The following TENT5A variants were observed in gnomAD, a reference collection of about 807,000 sequenced individuals.
TENT5A encodes HBV X-transactivated gene 11 protein.
In TENT5A, 9 loss-of-function variants were observed where a neutral mutation model predicts 30.2. The observed-to-expected ratio is 0.30, with a 90% CI of 0.18 to 0.52. TENT5A has a LOEUF of 0.52. Ranked by LOEUF, TENT5A falls within the 20% of genes least tolerant of loss-of-function variation. TENT5A has a pLI of 0.97. For synonymous variants in TENT5A, 264 were observed against 234.2 expected, an observed-to-expected ratio of 1.13 and a Z score of -1.16; for missense variants, 411 against 566.1, an observed-to-expected ratio of 0.73 and a Z score of 2.78.
chr6:81,752,382 T>G (rs1474087197), intron 1 of TENT5A, 49 bp downstream of exon 1: 3 of 1,538,352 alleles, frequency 2.0e-6, no homozygotes, highest in Non-Finnish European at 2.6e-6. Flanking sequence ...GCACCAAAAG[T>G]ATCTCTGATG....
At position 81,747,410 on chromosome 6, in the gene TENT5A, A is replaced by G; in HGVS notation, c.*2285T>C. On this transcript the variant is annotated 3_prime_UTR_variant, in exon 3 of 3. Transcript: ENST00000320172. The stretch of plus-strand genomic sequence containing the variant: ...GATGGTAGTAGGAGGAGTTCCTTAG[A>G]AAACTGAGTGGCAGTGCAGCGGCTG... 1 of 985,862 alleles carries G rather than the reference A, an allele frequency of 1.0e-6. No individual in the cohort carries two copies. Among genetic ancestry groups the G allele is most frequent in the Non-Finnish European group, 1.2e-6 (1 of 829,948 alleles). 61.1% of individuals were successfully genotyped at this position (985,862 alleles called of 1,614,324 possible). A position where few individuals can be genotyped will look rare whatever the true frequency, so the allele number is the denominator to read the frequency against.
rs1768901908 is a variant in TENT5A, at chr6:81,747,177, T to A, written c.*2518A>T. 9.1e-6 allele frequency: 9 copies of A among 984,990 alleles called. No homozygotes were observed. Among genetic ancestry groups the A allele is most frequent in the Non-Finnish European group, 1.1e-5 (9 of 829,864 alleles). The allele number at this position is 984,990 out of a possible 1,614,324, so 61.0% of individuals were successfully genotyped here. A position where few individuals can be genotyped will look rare whatever the true frequency, so the allele number is the denominator to read the frequency against. On this transcript the variant is annotated 3_prime_UTR_variant, in exon 3 of 3. Coordinates refer to ENST00000320172, the MANE Select transcript of TENT5A (RefSeq NM_017633.3). ...TAGTAGACGACTCATTTGTCAAGAGTTAGGGTAAGAAAGCAGATCACCAGC... is the reference window on the plus strand; with the variant it reads ...TAGTAGACGACTCATTTGTCAAGAGATAGGGTAAGAAAGCAGATCACCAGC...
chr6:81,751,080 T>A (rs1293816342), intron 2 of TENT5A, among the ~76,000 whole-genome samples: 3 of 152,170 alleles, frequency 2.0e-5, no homozygotes, highest in Non-Finnish European at 2.9e-5. Flanking sequence ...ACCCTTAACA[T>A]ATGAACCAGC....
rs142685175 is a variant in TENT5A, at chr6:81,752,219, G to A, written c.-37-41C>T. 0.042 allele frequency: 53,399 copies of A among 1,261,828 alleles called. 1,165 individuals carry two copies. Among genetic ancestry groups the A allele is most frequent in the Non-Finnish European group, 0.048 (46,914 of 969,992 alleles). 78.2% of individuals were successfully genotyped at this position (1,261,828 alleles called of 1,614,324 possible). ...AAGGAGCGCGGTGAGGACGCGCGGC[G>A]GCGGAGAGCACGCGCGGCGGCGGAG... On this transcript the variant is annotated intron_variant, in intron 1 of 2. Transcript: ENST00000320172.
rs546672198 is a variant in TENT5A, at chr6:81,748,981, C to G, written c.*714G>C. ...CTGTTAAATCTTTGGTCCTTGAGCACACTTTCTTTGTTACAGCTGTTTTTG... is the reference window on the plus strand; with the variant it reads ...CTGTTAAATCTTTGGTCCTTGAGCAGACTTTCTTTGTTACAGCTGTTTTTG... On this transcript the variant is annotated 3_prime_UTR_variant, in exon 3 of 3. Coordinates refer to ENST00000320172, the MANE Select transcript of TENT5A (RefSeq NM_017633.3). 3.7e-4 allele frequency: 368 copies of G among 985,804 alleles called. No homozygotes were observed. The highest frequency in any genetic ancestry group is 4.1e-4 in the Non-Finnish European group (337 of 829,912). 61.1% of individuals were successfully genotyped at this position (985,804 alleles called of 1,614,324 possible). A position where few individuals can be genotyped will look rare whatever the true frequency, so the allele number is the denominator to read the frequency against.
Position 81,749,617 on chromosome 6 carries a change from C to T in TENT5A, c.*78G>A, listed in dbSNP as rs199706042. 3.6e-6 allele frequency: 5 copies of T among 1,370,994 alleles called. No homozygotes were observed. The African/African-American group carries it at 7.5e-5, about 20-fold the overall frequency. The allele number at this position is 1,370,994 out of a possible 1,614,324, so 84.9% of individuals were successfully genotyped here. ...CATCCCTAATAAGGGCTGGATCACT[C>T]TTTTTTTTTTCTTTTTTTTTTTTTT... is the stretch of plus-strand genomic sequence containing the variant. On this transcript the variant is annotated 3_prime_UTR_variant, in exon 3 of 3. Transcript: ENST00000320172.
Position 81,747,566 on chromosome 6 carries a change from T to G in TENT5A, c.*2129A>C. The G allele has an allele frequency of 1.0e-6, 1 of 985,606 alleles. No homozygotes were observed. The highest frequency in any genetic ancestry group is 1.2e-6 in the Non-Finnish European group (1 of 829,838). 61.1% of individuals were successfully genotyped at this position (985,606 alleles called of 1,614,324 possible). On this transcript the variant is annotated 3_prime_UTR_variant, in exon 3 of 3. Transcript: ENST00000320172. Reference sequence around the variant, plus strand: ...CTGGATTAACCTAGCACTAAGCATCTGAGGATCCCTAGATAAACAAACAAA... The same window carrying G: ...CTGGATTAACCTAGCACTAAGCATCGGAGGATCCCTAGATAAACAAACAAA...
At chr6:81,751,414 C>T (rs1769030382) in intron 2 of TENT5A, among the ~76,000 whole-genome samples, 176 bp downstream of exon 2, 1 of 152,184 alleles carries the variant, frequency 6.6e-6, no homozygotes. Flanking sequence ...AAACACTCAA[C>T]ACCGTCCACG....
rs1769001734 is a variant in TENT5A at position 81,750,127 on chromosome 6, G to A, written c.897C>T (p.Leu299=). The A allele has an allele frequency of 6.2e-7, 1 of 1,613,800 alleles. No homozygotes were observed. The highest frequency in any genetic ancestry group is 1.1e-5 in the South Asian group (1 of 91,050). The change falls in exon 3 of 3, where the codon CTC becomes CTT. Residue 299 remains leucine, a synonymous_variant. Transcript: ENST00000320172. The surrounding 1 kb of genome is among the most constrained non-coding windows in gnomAD (Gnocchi z 4.2). ...AGGCGGGCCTAAAGCCCCTCACCAA[G>A]AGGTTGCAGTACTTAAGCAGGCCTC... ...RGGGLLKYCN[L]LVRGFRPASD... is the part of the protein sequence containing the mutation.
At position 81,748,627 on chromosome 6, in the gene TENT5A, A is replaced by T; in HGVS notation, c.*1068T>A. The T allele has an allele frequency of 9.2e-6, 8 of 871,654 alleles. No individual in the cohort carries two copies. Among genetic ancestry groups the T allele is most frequent in the Non-Finnish European group, 1.1e-5 (8 of 726,148 alleles). The allele number at this position is 871,654 out of a possible 1,614,324, so 54.0% of individuals were successfully genotyped here. ...CAATCTACTGTGTATATATACATAT[A>T]AAATGTATATATAAAATGTATATAT... is the stretch of plus-strand genomic sequence containing the variant. On this transcript the variant is annotated 3_prime_UTR_variant, in exon 3 of 3. Coordinates refer to ENST00000320172, the MANE Select transcript of TENT5A (RefSeq NM_017633.3).
Position 81,748,477 on chromosome 6 carries a change from A to AT in TENT5A, c.*1217dup, listed in dbSNP as rs1425622399. 1.0e-6 allele frequency: 1 copy of AT among 981,970 alleles called. No individual in the cohort carries two copies. The highest frequency in any genetic ancestry group is 1.2e-6 in the Non-Finnish European group (1 of 827,206). The allele number at this position is 981,970 out of a possible 1,614,324, so 60.8% of individuals were successfully genotyped here. A position where few individuals can be genotyped will look rare whatever the true frequency, so the allele number is the denominator to read the frequency against. ...ATTACTTGGTTCCCTCCTTCATTTAATTTTTTTAGATGTGGATTTAATTCA... is the reference window on the plus strand; with the variant it reads ...ATTACTTGGTTCCCTCCTTCATTTAATTTTTTTTAGATGTGGATTTAATTCA... On this transcript the variant is annotated 3_prime_UTR_variant, in exon 3 of 3. Transcript: ENST00000320172.
Position 81,752,492 on chromosome 6 carries a change from A to T in TENT5A, c.-99T>A, listed in dbSNP as rs867123245. On this transcript the variant is annotated 5_prime_UTR_variant, in exon 1 of 3. Coordinates refer to ENST00000320172, the MANE Select transcript of TENT5A (RefSeq NM_017633.3). ...GAGAGCGAAACCGAGAGGCGGCAACACTTCCAGGAGCTGCGAGCGCGCTCA... is the reference window on the plus strand; with the variant it reads ...GAGAGCGAAACCGAGAGGCGGCAACTCTTCCAGGAGCTGCGAGCGCGCTCA... 6.6e-7 allele frequency: 1 copy of T among 1,522,008 alleles called. No homozygotes were observed. Among genetic ancestry groups the T allele is most frequent in the East Asian group, 2.5e-5 (1 of 40,746 alleles). The allele number at this position is 1,522,008 out of a possible 1,614,324, so 94.3% of individuals were successfully genotyped here.
In TENT5A at chr6:81,747,801, C is replaced by T. The variant is rs955406254; in HGVS notation, c.*1894G>A. The stretch of plus-strand genomic sequence containing the variant: ...TTTTTAACAAATGCATTTTCAGAGA[C>T]CAGTATCTAGAGGAACTACTGGCTA... On this transcript the variant is annotated 3_prime_UTR_variant, in exon 3 of 3. Coordinates refer to ENST00000320172, the MANE Select transcript of TENT5A (RefSeq NM_017633.3). The T allele has an allele frequency of 1.0e-6, 1 of 985,552 alleles. No homozygotes were observed. The highest frequency in any genetic ancestry group is 1.7e-5 in the African/African-American group (1 of 57,188). The allele number at this position is 985,552 out of a possible 1,614,324, so 61.1% of individuals were successfully genotyped here. A position where few individuals can be genotyped will look rare whatever the true frequency, so the allele number is the denominator to read the frequency against.
Position 81,751,874 on chromosome 6 carries a change from A to C in TENT5A, c.268T>G (p.Phe90Val). 6.2e-7 allele frequency: 1 copy of C among 1,613,170 alleles called. No individual in the cohort carries two copies. Among genetic ancestry groups the C allele is most frequent in the Non-Finnish European group, 8.5e-7 (1 of 1,179,880 alleles). ...ETIPIHGRGN[F>V]PTLELQPSLI... ...CTCGGCTGCAGCTCGAGCGTGGGGA[A>C]GTTGCCGCGCCCGTGAATCGGAATG... Residue 90 changes from phenylalanine to valine, a missense_variant, in exon 2 of 3, where the codon TTC becomes GTC. Physicochemically the swap from Phe to Val is conservative, Grantham distance 50. Around this residue, in one of 5 missense-constraint regions of TENT5A, gnomAD observed 157 missense variants for 183.2 expected, o/e 0.86. Coordinates refer to ENST00000320172, the MANE Select transcript of TENT5A (RefSeq NM_017633.3).
rs1168328083 is a variant in TENT5A, at chr6:81,751,666, T to C, written c.476A>G (p.Asp159Gly). The change falls in exon 2 of 3, where the codon GAC (aspartate) becomes GGC (glycine). Residue 159 changes from aspartate to glycine, a missense_variant. Physicochemically the swap from Asp to Gly is moderately conservative, Grantham distance 94 (BLOSUM62 -1). Coordinates refer to ENST00000320172, the MANE Select transcript of TENT5A (RefSeq NM_017633.3). ...GTCCAACAGGCAGTCCAGCACGACG[T>C]CCTTCACAGTCTGAAACTCCCCTTC... ...RGEGEFQTVK[D>G]VVLDCLLDFL... 1.2e-6 allele frequency: 2 copies of C among 1,614,138 alleles called. No individual in the cohort carries two copies. The highest frequency in any genetic ancestry group is 1.7e-6 in the Non-Finnish European group (2 of 1,180,028).
In TENT5A at chr6:81,749,614, ACT is replaced by A; in HGVS notation, c.*79_*80del. 4 of 1,507,310 alleles carry A rather than the reference ACT, an allele frequency of 2.7e-6. No individual in the cohort carries two copies. Among genetic ancestry groups the A allele is most frequent in the Middle Eastern group, 1.9e-4 (1 of 5,398 alleles). The allele number at this position is 1,507,310 out of a possible 1,614,324, so 93.4% of individuals were successfully genotyped here. ...ACACATCCCTAATAAGGGCTGGATC[ACT>A]CTTTTTTTTTTCTTTTTTTTTTTTT... On this transcript the variant is annotated 3_prime_UTR_variant, in exon 3 of 3. Transcript: ENST00000320172.
Position 81,752,672 on chromosome 6 carries a change from G to C in TENT5A, c.-279C>G. On this transcript the variant is annotated 5_prime_UTR_variant, in exon 1 of 3. Transcript: ENST00000320172. ...ACACGCTCGTGTCTCTGGAGCTTTA[G>C]CAGTTGTGCGGGGAAAATGTCTTCA... The C allele has an allele frequency of 1.4e-6, 1 of 717,788 alleles. No individual in the cohort carries two copies. The highest frequency in any genetic ancestry group is 1.5e-5 in the South Asian group (1 of 67,618). 44.5% of individuals were successfully genotyped at this position (717,788 alleles called of 1,614,324 possible).
At chr6:81,751,320 T>G (rs1392090418) in intron 2 of TENT5A, among the ~76,000 whole-genome samples, 4 of 151,478 alleles carry the variant, frequency 2.6e-5, no homozygotes, top group Admixed American at 2.6e-4. Flanking sequence ...AAGCCAAGAG[T>G]TAAAACATAA....
Position 81,746,272 on chromosome 6 carries a change from C to G in TENT5A, c.*3423G>C, listed in dbSNP as rs749410772. On this transcript the variant is annotated 3_prime_UTR_variant, in exon 3 of 3. Transcript: ENST00000320172. ...AAAAAGCTTATTTTTGAACTGACAG[C>G]TTTCAACATAATACATTTCATTTAC... 24 of 1,188,234 alleles carry G rather than the reference C, an allele frequency of 2.0e-5. No homozygotes were observed. Among genetic ancestry groups the G allele is most frequent in the Non-Finnish European group, 2.5e-5 (24 of 961,170 alleles). 73.6% of individuals were successfully genotyped at this position (1,188,234 alleles called of 1,614,324 possible).
Sources: gnomAD v4.1 joint callset for allele counts (sites outside exome capture counted in the v4.1 genomes callset) on GRCh38, gnomAD v4.1.1 for gene constraint, gnomAD v4.1.1 regional missense constraint, Gnocchi (gnomAD v3.1) non-coding constraint, MANE v1.5 for transcripts, NCBI Gene and HGNC (gene_info 2026-07-23, HGNC 2026-07-21) for gene names.